The following CSRNP3 variants were observed in gnomAD, a reference collection of about 807,000 sequenced individuals.
CSRNP3 encodes cysteine/serine-rich nuclear protein 3.
Under a neutral mutation model 48.0 loss-of-function variants are expected in CSRNP3, and 12 were observed. That is an observed-to-expected ratio of 0.25 (90% CI 0.16 to 0.41). The LOEUF (loss-of-function observed/expected upper bound fraction) is 0.41. CSRNP3 is among the 10% of genes least tolerant of loss of function. The pLI is 1.00. For missense variants in CSRNP3, 580 were observed against 724.4 expected (o/e 0.80, Z 2.29); for synonymous variants, 263 against 269.7 (o/e 0.98, Z 0.24).
At chr2:165,496,277 G>A (rs1036225141) in intron 2 of CSRNP3, among the ~76,000 whole-genome samples, 1 of 152,022 alleles carries the variant, frequency 6.6e-6, no homozygotes, top group Non-Finnish European at 1.5e-5. Context: ...CTCCAGTTAC[G>A]TGGAAAAGTT....
chr2:165,545,683 G>A (rs1685014966), intron 3 of CSRNP3, among the ~76,000 whole-genome samples: 1 of 152,054 alleles, frequency 6.6e-6, no homozygotes. Flanking sequence ...CCTAGGATGA[G>A]TTCTGGCCCA....
chr2:165,505,381 A>G (rs1242819827), intron 2 of CSRNP3, among the ~76,000 whole-genome samples: 1 of 152,150 alleles, frequency 6.6e-6, no homozygotes, highest in African/African-American at 2.4e-5. Flanking sequence ...ACAGAAGTTG[A>G]CTGGGCCTCC....
At chr2:165,535,057 T>A (rs1684863623) in intron 3 of CSRNP3, among the ~76,000 whole-genome samples, 1 of 151,802 alleles carries the variant, frequency 6.6e-6, no homozygotes, top group Admixed American at 6.6e-5. Flanking sequence ...ACTGTAAGAA[T>A]AATGGTATGT....
chr2:165,654,123 C>A (rs1400414674), intron 4 of CSRNP3, among the ~76,000 whole-genome samples: 2 of 149,730 alleles, frequency 1.3e-5, no homozygotes, highest in African/African-American at 4.9e-5. Context: ...TTTATGATAT[C>A]AAGAGCAAAA....
At chr2:165,533,957 T>C (rs1684849840) in intron 3 of CSRNP3, among the ~76,000 whole-genome samples, 2 of 152,034 alleles carry the variant, frequency 1.3e-5, no homozygotes, top group African/African-American at 4.8e-5. Context: ...AAGATTTGCA[T>C]TGATAAAAAT....
intron 3 of CSRNP3, among the ~76,000 whole-genome samples, chr2:165,551,041 G>A (rs1685089701): frequency 6.6e-6 from 1 of 150,696 alleles, no homozygotes; most frequent in Admixed American, 6.6e-5. Context: ...TCTATCATCT[G>A]CCTCCAGAAC....
intron 3 of CSRNP3, among the ~76,000 whole-genome samples, chr2:165,578,967 A>T (rs1169998815): frequency 1.3e-5 from 2 of 152,104 alleles, no homozygotes; most frequent in African/African-American, 4.8e-5. Flanking sequence ...TGGTAATATT[A>T]GTCTCTATAT....
intron 4 of CSRNP3, among the ~76,000 whole-genome samples, chr2:165,611,580 T>C (rs1686138929): frequency 6.6e-6 from 1 of 151,768 alleles, no homozygotes; most frequent in Non-Finnish European, 1.5e-5. Flanking sequence ...TTTCCAGTGG[T>C]AAAAAAAATG....
chr2:165,657,881 G>T lies in CSRNP3; in HGVS notation c.269G>T (p.Ser90Ile). The change falls in exon 5 of 7, where the codon AGC becomes ATC. Residue 90 changes from serine to isoleucine, a missense_variant. By Grantham distance (142) the Ser-to-Ile change is moderately radical. Around this residue, in one of 4 missense-constraint regions of CSRNP3, gnomAD observed 83 missense variants for 139.6 expected, o/e 0.59. Transcript: ENST00000651982. Reference sequence around the variant, plus strand: ...ACAAGTGTGCCCAGTCAAGGGGGAAGCACCCTGGGGATGTCCAGCCGCCAT... The same window carrying T: ...ACAAGTGTGCCCAGTCAAGGGGGAATCACCCTGGGGATGTCCAGCCGCCAT... ...GFTSVPSQGG[S>I]TLGMSSRHNS... The T allele has an allele frequency of 6.2e-7, 1 of 1,614,024 alleles. No homozygotes were observed. The highest frequency in any genetic ancestry group is 1.1e-5 in the South Asian group (1 of 91,084).
intron 3 of CSRNP3, among the ~76,000 whole-genome samples, chr2:165,539,389 C>A (rs1305680165): frequency 6.6e-6 from 1 of 151,982 alleles, no homozygotes. Context: ...ACCTACTTTT[C>A]CCCTCACGCC....
intron 1 of CSRNP3, among the ~76,000 whole-genome samples, chr2:165,476,069 A>G (rs1233975204): frequency 2.0e-5 from 3 of 152,236 alleles, no homozygotes; most frequent in Non-Finnish European, 4.4e-5. Flanking sequence ...ATAGTAGTAT[A>G]TATTTAACCA....
intron 3 of CSRNP3, among the ~76,000 whole-genome samples, chr2:165,547,265 A>G (rs1032427985): frequency 6.6e-6 from 1 of 152,206 alleles, no homozygotes; most frequent in Non-Finnish European, 1.5e-5. Context: ...ATCACAAAGA[A>G]TGCTACAATA....
intron 4 of CSRNP3, among the ~76,000 whole-genome samples, chr2:165,620,787 TAGA>T (rs1218057800): frequency 2.6e-5 from 4 of 152,174 alleles, no homozygotes; most frequent in Admixed American, 1.3e-4. Context: ...CATATTTTCA[TAGA>T]AGAAGTTTAT....
At chr2:165,545,103 T>C (rs1425876879) in intron 3 of CSRNP3, among the ~76,000 whole-genome samples, 1 of 152,148 alleles carries the variant, frequency 6.6e-6, no homozygotes, top group East Asian at 1.9e-4. Context: ...GAACTGAGAA[T>C]TGACCATTGC....
chr2:165,495,591 T>C (rs1402184079), intron 2 of CSRNP3, among the ~76,000 whole-genome samples: 2 of 152,068 alleles, frequency 1.3e-5, no homozygotes, highest in Admixed American at 1.3e-4. Flanking sequence ...GGTTGTGAAA[T>C]AGGTGATCCT....
intron 4 of CSRNP3, among the ~76,000 whole-genome samples, chr2:165,602,562 C>G (rs1332344178): frequency 6.6e-6 from 1 of 152,144 alleles, no homozygotes; most frequent in African/African-American, 2.4e-5. Flanking sequence ...TATTTATGAG[C>G]TAGTAGTCCT....
Position 165,679,169 on chromosome 2 carries a change from G to C in CSRNP3, c.1174G>C (p.Gly392Arg), listed in dbSNP as rs1342234956. The C allele has an allele frequency of 3.1e-6, 5 of 1,613,828 alleles. No homozygotes were observed. The South Asian group carries it at 4.4e-5, about 14-fold the overall frequency. ...GGATGACGATGATGACAAAGGAGAT[G>C]GCTTCGTGGAAGGTTTGGGCACCCA... ...EEDDDDDKGD[G>R]FVEGLGTHAE... The change falls in exon 7 of 7, where the codon GGC (glycine) becomes CGC (arginine). Residue 392 changes from glycine (G) to arginine (R), a missense_variant. Transcript: ENST00000651982.
intron 3 of CSRNP3, among the ~76,000 whole-genome samples, chr2:165,577,596 A>C (rs1452800961): frequency 6.6e-6 from 1 of 151,828 alleles, no homozygotes; most frequent in Non-Finnish European, 1.5e-5. Flanking sequence ...TTATTAGTCC[A>C]ACCATGATAT....
At chr2:165,547,280 C>T (rs753754752) in intron 3 of CSRNP3, among the ~76,000 whole-genome samples, 3 of 152,124 alleles carry the variant, frequency 2.0e-5, no homozygotes, top group South Asian at 4.1e-4. Flanking sequence ...ACAATAAGCA[C>T]CTGTGTAATT....
Sources: allele counts gnomAD v4.1 joint callset (sites outside exome capture counted in the v4.1 genomes callset), GRCh38; gene constraint gnomAD v4.1.1; regional missense constraint gnomAD v4.1.1; transcripts MANE v1.5; gene names NCBI Gene and HGNC (gene_info 2026-07-23, HGNC 2026-07-21).